TMOD3: variants seen among roughly 807,000 people sequenced by gnomAD.
TMOD3 encodes the protein tropomodulin-3.
Under a neutral mutation model 39.2 loss-of-function variants are expected in TMOD3, and 20 were observed. The observed-to-expected ratio is 0.51, with a 90% CI of 0.36 to 0.74. The LOEUF (loss-of-function observed/expected upper bound fraction) is 0.74, where lower values mean the gene tolerates loss of function less well. TMOD3 is among the 30% of genes least tolerant of loss of function. The probability of loss-of-function intolerance (pLI) is 0.00; values close to 1 mark genes in which losing one functional copy is unlikely to be tolerated. For synonymous variants in TMOD3, 143 were observed against 145.8 expected (o/e 0.98, Z 0.14); for missense variants, 381 against 412.8 (o/e 0.92, Z 0.67).
At chr15:51,901,837 G>C (rs1328954416) in intron 8 of TMOD3, 55 bp from the exon 9 acceptor site, 4 of 1,556,422 alleles carry the variant, frequency 2.6e-6, no homozygotes, top group African/African-American at 1.4e-5. Context: ...AATTTACCTT[G>C]AAAAGTATTT....
intron 9 of TMOD3, among the ~76,000 whole-genome samples, chr15:51,906,693 C>T (rs890421868): frequency 6.6e-6 from 1 of 152,144 alleles, no homozygotes; most frequent in Non-Finnish European, 1.5e-5. Context: ...AACCCTGCTG[C>T]AATTCAAAAT....
At chr15:51,899,159 C>T (rs2056636418) in intron 7 of TMOD3, 1 of 151,978 alleles carries the variant, frequency 6.6e-6, no homozygotes, top group Non-Finnish European at 1.5e-5. Flanking sequence ...CATAATTTAC[C>T]CTCATTTTGG....
At chr15:51,871,000 G>A (rs2436655) in intron 3 of TMOD3, among the ~76,000 whole-genome samples, 50,107 of 151,830 alleles carry the variant, frequency 0.33, 9,248 homozygotes, top group Middle Eastern at 0.42. Context: ...AGGTTAATTG[G>A]CTTTACTTAG....
At chr15:51,863,044 CTT>C (rs777383628) in intron 2 of TMOD3, 34 bp downstream of exon 2, 1 of 1,592,038 alleles carries the variant, frequency 6.3e-7, no homozygotes, top group Non-Finnish European at 8.5e-7. Flanking sequence ...AATGAAATAA[CTT>C]TTCGAATTCT....
intron 9 of TMOD3, chr15:51,907,350 G>T (rs1020689116): frequency 2.0e-5 from 3 of 152,182 alleles, no homozygotes; most frequent in South Asian, 4.1e-4. Context: ...TAAGAGTCAG[G>T]CGAACTTAAT....
At chr15:51,908,245 GT>G (rs2056692140) in intron 9 of TMOD3, among the ~76,000 whole-genome samples, 1 of 152,184 alleles carries the variant, frequency 6.6e-6, no homozygotes, top group Admixed American at 6.5e-5. Context: ...TTTATTAGCT[GT>G]TTTTTAAAAC....
At chr15:51,879,835 CTCTT>C (rs1258277407) in intron 3 of TMOD3, among the ~76,000 whole-genome samples, 12 of 144,356 alleles carry the variant, frequency 8.3e-5, no homozygotes, top group African/African-American at 3.1e-4. Context: ...TTTTGGCAAT[CTCTT>C]TCTCTCTCTC....
chr15:51,846,831 A>G (rs2141673090), intron 1 of TMOD3, among the ~76,000 whole-genome samples: 1 of 152,338 alleles, frequency 6.6e-6, no homozygotes, highest in South Asian at 2.1e-4. Flanking sequence ...GTTTGCAACA[A>G]CTGGGAAAAA....
chr15:51,830,147 G>A (rs867047448), intron 1 of TMOD3, among the ~76,000 whole-genome samples: 1 of 152,116 alleles, frequency 6.6e-6, no homozygotes. Context: ...CCGCTGAGCC[G>A]CGGCCGAGCT....
chr15:51,887,248 G>GTT (rs35778880), intron 3 of TMOD3, among the ~76,000 whole-genome samples: 2 of 137,672 alleles, frequency 1.5e-5, no homozygotes, highest in Admixed American at 7.3e-5. Context: ...ATTGGATTCT[G>GTT]TTTTTTTTTT....
intron 3 of TMOD3, among the ~76,000 whole-genome samples, chr15:51,869,986 C>G (rs540856371): frequency 6.6e-6 from 1 of 151,914 alleles, no homozygotes. Context: ...TTGCCCAGGC[C>G]GGAGTGCAAT....
intron 3 of TMOD3, among the ~76,000 whole-genome samples, chr15:51,878,793 C>T (rs545900668): frequency 6.6e-6 from 1 of 152,214 alleles, no homozygotes; most frequent in South Asian, 2.1e-4. Context: ...TATCACAAAG[C>T]CTCTTGGAGA....
At chr15:51,874,801 G>A (rs2056493366) in intron 3 of TMOD3, among the ~76,000 whole-genome samples, 1 of 152,104 alleles carries the variant, frequency 6.6e-6, no homozygotes, top group Non-Finnish European at 1.5e-5. Context: ...CAGAGCCATG[G>A]CTGCACCTTA....
At chr15:51,889,247 T>G in intron 5 of TMOD3, 102 bp downstream of exon 5, 1 of 716,018 alleles carries the variant, frequency 1.4e-6, no homozygotes. Context: ...GTTATATATA[T>G]GTACTTGAAA....
Position 51,900,308 on chromosome 15 carries a change from C to T in TMOD3, c.879+10C>T, listed in dbSNP as rs753250082. On this transcript the variant is annotated intron_variant, in intron 8 of 9. Coordinates refer to ENST00000308580, the MANE Select transcript of TMOD3 (RefSeq NM_014547.5). ...CAAGATTGACAATCAGGTCAATGTT[C>T]TACAATAATAACGTCGAGGAAGCTA... 1.9e-6 allele frequency: 3 copies of T among 1,613,496 alleles called. No homozygotes were observed. The highest frequency in any genetic ancestry group is 2.5e-6 in the Non-Finnish European group (3 of 1,179,782).
chr15:51,836,756 A>G (rs1301424623), intron 1 of TMOD3, among the ~76,000 whole-genome samples: 2 of 151,846 alleles, frequency 1.3e-5, no homozygotes, highest in African/African-American at 4.8e-5. Flanking sequence ...AAAAAGAAAA[A>G]TACTGAAATA....
chr15:51,862,866 A>G lies in TMOD3; in HGVS notation c.-19A>G. ...TGTACTGAACAGCAAAAATTAAGTG[A>G]CTTGCTGCCCTGCACATCATGGCAC... On this transcript the variant is annotated 5_prime_UTR_variant, in exon 2 of 10. Transcript: ENST00000308580. 6.2e-7 allele frequency: 1 copy of G among 1,604,790 alleles called. No homozygotes were observed. Among genetic ancestry groups the G allele is most frequent in the Middle Eastern group, 1.7e-4 (1 of 6,008 alleles).
At chr15:51,850,402 C>T (rs552829234) in intron 1 of TMOD3, among the ~76,000 whole-genome samples, 54 of 152,088 alleles carry the variant, frequency 3.6e-4, no homozygotes, top group African/African-American at 6.3e-4. Flanking sequence ...TGTATGGGTA[C>T]AGGTGTGGCA....
rs2056705905 is a variant in TMOD3, at chr15:51,910,682, C to G, written c.*1872C>G. 1 of 151,580 alleles carries G rather than the reference C, an allele frequency of 6.6e-6. No individual in the cohort carries two copies. The allele number at this position is 151,580 out of a possible 1,614,324, so 9.4% of individuals were successfully genotyped here. ...AATAAGCAAGGCAGCTTCTTGTGTG[C>G]TATGGTAATAAGCCTTCTTAACAGG... On this transcript the variant is annotated 3_prime_UTR_variant, in exon 10 of 10. Coordinates refer to ENST00000308580, the MANE Select transcript of TMOD3 (RefSeq NM_014547.5).
Sources: allele counts gnomAD v4.1 joint callset (sites outside exome capture counted in the v4.1 genomes callset), GRCh38; gene constraint gnomAD v4.1.1; transcripts MANE v1.5; gene names NCBI Gene and HGNC (gene_info 2026-07-23, HGNC 2026-07-21).